CTNND2: variants seen among roughly 807,000 people sequenced by gnomAD.
CTNND2 encodes the protein catenin delta 2.
Under a neutral mutation model 144.4 loss-of-function variants are expected in CTNND2, and 22 were observed. The observed-to-expected ratio is 0.15, with a 90% CI of 0.11 to 0.22. The LOEUF (loss-of-function observed/expected upper bound fraction) is 0.22, where lower values mean the gene tolerates loss of function less well. Among genes scored for constraint, CTNND2 ranks in the 10% least tolerant of loss-of-function variants. CTNND2 has a pLI of 1.00. For missense variants in CTNND2, 1,353 were observed against 1,618.8 expected (o/e 0.84, Z 2.82); for synonymous variants, 751 against 695.6 (o/e 1.08, Z -1.25).
At chr5:11,778,234 C>T (rs1790358523) in intron 1 of CTNND2, among the ~76,000 whole-genome samples, 2 of 152,074 alleles carry the variant, frequency 1.3e-5, no homozygotes, top group South Asian at 4.2e-4. Flanking sequence ...TCCTAGTTGT[C>T]CTTCTGTCTC....
At chr5:11,809,763 C>T (rs1379309472) in intron 1 of CTNND2, among the ~76,000 whole-genome samples, 1 of 152,202 alleles carries the variant, frequency 6.6e-6, no homozygotes, top group Non-Finnish European at 1.5e-5. Flanking sequence ...CAACTGTAAA[C>T]ACTGACTAGT....
intron 8 of CTNND2, among the ~76,000 whole-genome samples, chr5:11,348,437 C>A (rs958454756): frequency 3.7e-3 from 428 of 114,526 alleles, no homozygotes; most frequent in African/African-American, 5.8e-3. Flanking sequence ...AAATCAAGGG[C>A]AAAAAAAAAA....
At chr5:11,330,322 A>T (rs1298644252) in intron 9 of CTNND2, among the ~76,000 whole-genome samples, 2 of 148,044 alleles carry the variant, frequency 1.4e-5, no homozygotes, top group Admixed American at 6.7e-5. Flanking sequence ...ATACAAAAAA[A>T]AAAAAAAAAA....
intron 1 of CTNND2, among the ~76,000 whole-genome samples, chr5:11,799,456 T>C (rs1057214181): frequency 2.0e-5 from 3 of 152,198 alleles, no homozygotes; most frequent in African/African-American, 7.2e-5. Flanking sequence ...CTTCCTCCCG[T>C]TGAGATGTGT....
chr5:11,127,565 G>A (rs1427498296), intron 12 of CTNND2, among the ~76,000 whole-genome samples: 1 of 152,162 alleles, frequency 6.6e-6, no homozygotes, highest in Non-Finnish European at 1.5e-5. Flanking sequence ...ATAAGCTCTG[G>A]CCTGGAAACC....
intron 1 of CTNND2, among the ~76,000 whole-genome samples, chr5:11,735,538 G>A (rs1326404853): frequency 6.6e-6 from 1 of 152,184 alleles, no homozygotes; most frequent in Admixed American, 6.5e-5. Context: ...GATATGGTTT[G>A]GCTATGTCCC....
chr5:11,717,481 G>A (rs1324679284), intron 2 of CTNND2, among the ~76,000 whole-genome samples: 1 of 151,748 alleles, frequency 6.6e-6, no homozygotes, highest in Non-Finnish European at 1.5e-5. Context: ...GGAGGCTGAG[G>A]TGGGAGAATT....
intron 1 of CTNND2, among the ~76,000 whole-genome samples, chr5:11,818,004 T>TA (rs1554126308): frequency 1.1e-5 from 1 of 93,282 alleles, no homozygotes; most frequent in Admixed American, 1.4e-4. Flanking sequence ...TTTTTTTTTT[T>TA]CAGTTCTCCT....
chr5:11,542,558 C>T (rs1209131746), intron 3 of CTNND2, among the ~76,000 whole-genome samples: 1 of 152,064 alleles, frequency 6.6e-6, no homozygotes, highest in Non-Finnish European at 1.5e-5. Context: ...CCATACATTC[C>T]TATTTAAATA....
At chr5:11,623,158 A>G (rs1561630174) in intron 2 of CTNND2, among the ~76,000 whole-genome samples, 1 of 152,164 alleles carries the variant, frequency 6.6e-6, no homozygotes, top group Non-Finnish European at 1.5e-5. Flanking sequence ...TTTTAGAGGA[A>G]AAACAATATC....
At chr5:11,885,432 A>C (rs1409872670) in intron 1 of CTNND2, among the ~76,000 whole-genome samples, 2 of 152,172 alleles carry the variant, frequency 1.3e-5, no homozygotes, top group Non-Finnish European at 2.9e-5. Context: ...TTGAGTCAAA[A>C]ACTATAAAAA....
intron 1 of CTNND2, among the ~76,000 whole-genome samples, chr5:11,732,576 A>G (rs543872176): frequency 6.6e-6 from 1 of 152,368 alleles, no homozygotes; most frequent in South Asian, 2.1e-4. Context: ...GACTATAAGA[A>G]TAAAGTAATA....
Position 11,704,326 on chromosome 5 carries a change from G to A in CTNND2, c.174+27810C>T, listed in dbSNP as rs78736403. The stretch of plus-strand genomic sequence containing the variant: ...TAAGAAGACTTCTCAGAATACAGAT[G>A]CCTACCTAATGAGAGCTGAAGTAAC... On this transcript the variant is annotated intron_variant, in intron 2 of 21. Transcript: ENST00000304623. Among the ~76,000 whole-genome samples the A allele has an allele frequency of 1.4e-3, 207 of 152,310 alleles. 1 individual carries two copies. The highest frequency in any genetic ancestry group is 4.8e-3 in the African/African-American group (198 of 41,574).
rs1580646422 is a variant in CTNND2, at chr5:11,228,416, C to T, written c.1761+8275G>A. On this transcript the variant is annotated intron_variant, in intron 10 of 21. Transcript: ENST00000304623. ...AATGCTCATTTTACTGCTGTGGCTT[C>T]ACCTCTCCATCATGCCTAACACATG... is the stretch of plus-strand genomic sequence containing the variant. Among the ~76,000 whole-genome samples, 3 of 146,942 alleles carry T rather than the reference C, an allele frequency of 2.0e-5. 1 individual carries two copies. Among genetic ancestry groups the T allele is most frequent in the Admixed American group, 6.8e-5 (1 of 14,602 alleles).
At chr5:11,313,422 A>T (rs905803998) in intron 9 of CTNND2, among the ~76,000 whole-genome samples, 6 of 152,080 alleles carry the variant, frequency 3.9e-5, no homozygotes, top group African/African-American at 1.2e-4. Flanking sequence ...AGTCCCCGAC[A>T]CTCTGGGCCC....
chr5:11,216,681 G>T (rs933724944), intron 10 of CTNND2, among the ~76,000 whole-genome samples: 6 of 152,188 alleles, frequency 3.9e-5, no homozygotes, highest in African/African-American at 7.2e-5. Flanking sequence ...AGTCACTAAG[G>T]GTGTGGAAAT....
intron 1 of CTNND2, among the ~76,000 whole-genome samples, chr5:11,851,348 C>T (rs1260324118): frequency 6.6e-6 from 1 of 152,014 alleles, no homozygotes; most frequent in Admixed American, 6.6e-5. Flanking sequence ...CATTTAAATG[C>T]CCCCAAAAAG....
intron 2 of CTNND2, among the ~76,000 whole-genome samples, chr5:11,676,656 A>G (rs1784191344): frequency 6.6e-6 from 1 of 152,042 alleles, no homozygotes. Context: ...CCTGAAAAAA[A>G]TCCTGTAATC....
intron 3 of CTNND2, among the ~76,000 whole-genome samples, chr5:11,437,806 T>G (rs1449825070): frequency 6.6e-6 from 1 of 152,188 alleles, no homozygotes; most frequent in African/African-American, 2.4e-5. Flanking sequence ...CTGAAAAGAC[T>G]TGGGTGCCTT....
Sources: gnomAD v4.1 joint callset for allele counts (sites outside exome capture counted in the v4.1 genomes callset) on GRCh38, gnomAD v4.1.1 for gene constraint, MANE v1.5 for transcripts, NCBI Gene and HGNC (gene_info 2026-07-23, HGNC 2026-07-21) for gene names.